The following ARHGEF10 variants were observed in gnomAD, a reference collection of about 807,000 sequenced individuals.
The protein encoded by ARHGEF10 is Rho guanine nucleotide exchange factor (GEF) 10.
In ARHGEF10, 140 loss-of-function variants were observed where a neutral mutation model predicts 147.4. That is an observed-to-expected ratio of 0.95 (90% CI 0.83 to 1.09). ARHGEF10 has a LOEUF of 1.09. Among genes scored for constraint, ARHGEF10 ranks in the 50% least tolerant of loss-of-function variants. The pLI is 0.00. For synonymous variants in ARHGEF10, 902 were observed against 695.8 expected, an observed-to-expected ratio of 1.30 and a Z score of -4.67; for missense variants, 2,222 against 1,752.7, an observed-to-expected ratio of 1.27 and a Z score of -4.78.
intron 6 of ARHGEF10, among the ~76,000 whole-genome samples, chr8:1,867,490 C>T (rs1291741342): frequency 2.0e-5 from 3 of 152,160 alleles, no homozygotes; most frequent in Non-Finnish European, 4.4e-5. Context: ...TTTTTATGTA[C>T]ATTTAAACCT....
chr8:1,930,643 C>G (rs1222102833), intron 25 of ARHGEF10, among the ~76,000 whole-genome samples: 1 of 152,176 alleles, frequency 6.6e-6, no homozygotes, highest in Admixed American at 6.5e-5. Context: ...GGAGTTCCTC[C>G]CTCCTTAGAA....
At chr8:1,940,088 T>C (rs1209925695) in intron 26 of ARHGEF10, among the ~76,000 whole-genome samples, 1 of 152,150 alleles carries the variant, frequency 6.6e-6, no homozygotes, top group Admixed American at 6.5e-5. Flanking sequence ...ATGGGTTTGG[T>C]TTTTTTAAAT....
rs1563200691 is a variant in ARHGEF10 at position 1,866,586 on chromosome 8, C to G, written c.606C>G (p.Asn202Lys). ...ALARWAADPA[N>K]TAWMENPEEA... The stretch of plus-strand genomic sequence containing the variant: ...CCCGCTGGGCCGCAGACCCGGCCAA[C>G]ACAGCCTGGATGGAGAGTAAGTTCC... Residue 202 changes from asparagine to lysine, a missense_variant, in exon 6 of 29, where the codon AAC becomes AAG. Coordinates refer to ENST00000349830, the MANE Select transcript of ARHGEF10 (RefSeq NM_014629.4). 1 of 1,606,480 alleles carries G rather than the reference C, an allele frequency of 6.2e-7. No individual in the cohort carries two copies. Among genetic ancestry groups the G allele is most frequent in the South Asian group, 1.1e-5 (1 of 91,082 alleles).
chr8:1,945,750 T>C (rs998112982), intron 27 of ARHGEF10, 95 bp downstream of exon 27: 3 of 1,522,176 alleles, frequency 2.0e-6, no homozygotes, highest in African/African-American at 1.4e-5. Context: ...CGCTTCCCAG[T>C]GCAGGACACT....
intron 11 of ARHGEF10, among the ~76,000 whole-genome samples, chr8:1,889,170 G>GTGA: frequency 7.6e-5 from 6 of 78,590 alleles, no homozygotes; most frequent in African/African-American, 2.9e-4. Context: ...GCTGAGTTGG[G>GTGA]GGGTTGTGAG....
chr8:1,832,035 GAA>G (rs1395902648), intron 1 of ARHGEF10, among the ~76,000 whole-genome samples: 1 of 152,190 alleles, frequency 6.6e-6, no homozygotes, highest in African/African-American at 2.4e-5. Flanking sequence ...GGAGTCTGTG[GAA>G]TGCGGTGCTT....
rs549548942 is a variant in ARHGEF10 at position 1,861,218 on chromosome 8, C to T, written c.481+1034C>T. Among the ~76,000 whole-genome samples the T allele has an allele frequency of 5.9e-5, 9 of 152,340 alleles. No homozygotes were observed. In the East Asian group the frequency reaches 1.2e-3, roughly 20 times the overall value. ...TAGAAGGGGCTTGGTTGGTGGAGCC[C>T]GTTCTCTGCTGTCCTTACATGGCCC... On this transcript the variant is annotated intron_variant, in intron 4 of 28. Transcript: ENST00000349830.
At chr8:1,846,077 T>A (rs1243386854) in intron 2 of ARHGEF10, among the ~76,000 whole-genome samples, 1 of 152,220 alleles carries the variant, frequency 6.6e-6, no homozygotes, top group Non-Finnish European at 1.5e-5. Context: ...GCTGCAGGAA[T>A]GTGGAGCTCT....
At chr8:1,887,482 CTGAG>C (rs35474459) in intron 11 of ARHGEF10, among the ~76,000 whole-genome samples, 29,468 of 143,774 alleles carry the variant, frequency 0.2, 3,744 homozygotes, top group East Asian at 0.41. Context: ...TGAGGAGACA[CTGAG>C]TGGGGTGTGA....
chr8:1,825,784 T>G (rs1446057149), intron 1 of ARHGEF10, among the ~76,000 whole-genome samples: 1 of 152,190 alleles, frequency 6.6e-6, no homozygotes, highest in East Asian at 1.9e-4. Flanking sequence ...TGACTCAAGA[T>G]GTAACGGGTT....
At chr8:1,916,166 G>T (rs113003984) in intron 18 of ARHGEF10, among the ~76,000 whole-genome samples, 1 of 152,172 alleles carries the variant, frequency 6.6e-6, no homozygotes, top group East Asian at 1.9e-4. Flanking sequence ...AGGTGCACAC[G>T]CAGGACGGCC....
At chr8:1,828,273 TG>T (rs1324217047) in intron 1 of ARHGEF10, among the ~76,000 whole-genome samples, 1 of 152,272 alleles carries the variant, frequency 6.6e-6, no homozygotes, top group Non-Finnish European at 1.5e-5. Context: ...CCCTTACACT[TG>T]GATGTGGTCG....
At chr8:1,829,826 G>C (rs1360765375) in intron 1 of ARHGEF10, among the ~76,000 whole-genome samples, 1 of 152,202 alleles carries the variant, frequency 6.6e-6, no homozygotes, top group Non-Finnish European at 1.5e-5. Context: ...CGCGCGGCGA[G>C]GCCCGGGGAG....
At chr8:1,909,603 C>G (rs772996636) in intron 18 of ARHGEF10, 133 bp downstream of exon 18, 142 of 1,244,028 alleles carry the variant, frequency 1.1e-4, no homozygotes, top group Admixed American at 2.4e-4. Flanking sequence ...CAGAGGTGAT[C>G]CAGTCTCTAG....
intron 27 of ARHGEF10, among the ~76,000 whole-genome samples, chr8:1,949,238 C>T (rs906431259): frequency 2.0e-5 from 3 of 152,134 alleles, no homozygotes; most frequent in Non-Finnish European, 2.9e-5. Context: ...CACGCTGGCC[C>T]CTGGGGAATC....
At chr8:1,834,525 C>G (rs1803465692) in intron 1 of ARHGEF10, among the ~76,000 whole-genome samples, 2 of 152,276 alleles carry the variant, frequency 1.3e-5, no homozygotes, top group African/African-American at 4.8e-5. Flanking sequence ...AAAACACAAA[C>G]CCAGGACAGT....
chr8:1,827,986 T>C (rs933266175), intron 1 of ARHGEF10, among the ~76,000 whole-genome samples: 2 of 152,228 alleles, frequency 1.3e-5, no homozygotes, highest in Non-Finnish European at 2.9e-5. Flanking sequence ...CAGCATTGGC[T>C]AGTTACCAAT....
At position 1,909,463 on chromosome 8, in the gene ARHGEF10, G is replaced by A. The variant is rs61731549; in HGVS notation, c.2136G>A (p.Ala712=). ...AGAGCCTGGCCGTGGTTGCTAACGC[G>A]AAACCAAGTAAGTGATGCTTTCTCT... ...PPESLAVVAN[A]KPNKVYMGPG... The change falls in exon 18 of 29, where the codon GCG becomes GCA. Residue 712 remains alanine, a synonymous_variant. Coordinates refer to ENST00000349830, the MANE Select transcript of ARHGEF10 (RefSeq NM_014629.4). The A allele has an allele frequency of 9.2e-5, 148 of 1,614,022 alleles. No individual in the cohort carries two copies. Among genetic ancestry groups the A allele is most frequent in the Middle Eastern group, 1.7e-4 (1 of 6,056 alleles).
chr8:1,828,223 T>G (rs1188237038), intron 1 of ARHGEF10, among the ~76,000 whole-genome samples: 1 of 152,246 alleles, frequency 6.6e-6, no homozygotes, highest in Non-Finnish European at 1.5e-5. Flanking sequence ...CTTTGTTTTG[T>G]TTTGTGCCCG....
Sources: gnomAD v4.1 joint callset for allele counts (sites outside exome capture counted in the v4.1 genomes callset) on GRCh38, gnomAD v4.1.1 for gene constraint, MANE v1.5 for transcripts, NCBI Gene and HGNC (gene_info 2026-07-23, HGNC 2026-07-21) for gene names.